Variants in XPO7 observed in about 807,000 individuals in gnomAD.
The protein encoded by XPO7 is exportin-7.
In XPO7, 21 loss-of-function variants were observed where a neutral mutation model predicts 144.3. The ratio of observed to expected loss-of-function variants is 0.15; its 90% CI spans 0.10 to 0.21. The LOEUF (loss-of-function observed/expected upper bound fraction) is 0.21. Among genes scored for constraint, XPO7 ranks in the 10% least tolerant of loss-of-function variants. XPO7 has a pLI of 1.00. For synonymous variants in XPO7, 580 were observed against 499.6 expected (o/e 1.16, Z -2.15); for missense variants, 808 against 1,325.8 (o/e 0.61, Z 6.06).
intron 1 of XPO7, among the ~76,000 whole-genome samples, chr8:21,945,187 G>A (rs1425952230): frequency 6.6e-6 from 1 of 152,074 alleles, no homozygotes; most frequent in African/African-American, 2.4e-5. Flanking sequence ...GGGCAGCTGG[G>A]CAGAGGCGCC....
Position 21,987,845 on chromosome 8 carries a change from T to C in XPO7, c.1775T>C (p.Phe592Ser). ...GATGAGACCATGGTCCTAAGCGTCT[T>C]CATAGGAAAAATGTAAGTGTTTCAG... ...LNDETMVLSV[F>S]IGKIITNLKY... is the part of the protein sequence containing the mutation. Residue 592 changes from phenylalanine to serine, a missense_variant, in exon 15 of 28, where the codon TTC (phenylalanine) becomes TCC (serine). Physicochemically the swap from Phe to Ser is radical, Grantham distance 155. Coordinates refer to ENST00000252512, the MANE Select transcript of XPO7 (RefSeq NM_015024.5). 1 of 1,613,778 alleles carries C rather than the reference T, an allele frequency of 6.2e-7. No homozygotes were observed. Among genetic ancestry groups the C allele is most frequent in the Admixed American group, 1.7e-5 (1 of 59,998 alleles).
intron 2 of XPO7, among the ~76,000 whole-genome samples, chr8:21,967,580 G>A (rs144227968): frequency 2.1e-3 from 326 of 152,040 alleles, no homozygotes; most frequent in African/African-American, 7.5e-3. Context: ...TGATCCACCC[G>A]CCTCGGCCTC....
Position 22,002,211 on chromosome 8 carries a change from T to A in XPO7, c.2882T>A (p.Leu961Gln). 1 of 1,613,352 alleles carries A rather than the reference T, an allele frequency of 6.2e-7. No homozygotes were observed. Among genetic ancestry groups the A allele is most frequent in the Non-Finnish European group, 8.5e-7 (1 of 1,179,628 alleles). ...SRSTKKRTTP[L>Q]NQESDRFLHI... is the part of the protein sequence containing the mutation. ...AGCACCAAGAAGAGGACCACACCCC[T>A]GAACCAGGAGAGCGACCGCTTTCTG... Residue 961 changes from leucine (L) to glutamine (Q), a missense_variant, in exon 25 of 28, where the codon CTG becomes CAG. Physicochemically the swap from Leu to Gln is moderately radical, Grantham distance 113. Transcript: ENST00000252512.
At chr8:21,934,252 C>A (rs1358112815) in intron 1 of XPO7, among the ~76,000 whole-genome samples, 1 of 151,886 alleles carries the variant, frequency 6.6e-6, no homozygotes, top group East Asian at 1.9e-4. Context: ...AATCCCAGTA[C>A]TTTGGGTGCG....
At chr8:21,981,294 C>T (rs1306840927) in intron 9 of XPO7, among the ~76,000 whole-genome samples, 7 of 152,106 alleles carry the variant, frequency 4.6e-5, no homozygotes, top group African/African-American at 4.8e-5. Flanking sequence ...TGCTAACTAT[C>T]GGTTAGTTGT....
chr8:22,004,059 C>A (rs764297705), intron 27 of XPO7, 29 bp downstream of exon 27: 1 of 1,611,018 alleles, frequency 6.2e-7, no homozygotes, highest in Non-Finnish European at 8.5e-7. Flanking sequence ...GCCTAGAAAT[C>A]TCAGACAATT....
chr8:21,970,369 AAC>A (rs140784168), intron 4 of XPO7, 59 bp downstream of exon 4: 29,872 of 1,092,914 alleles, frequency 0.027, 24 homozygotes, highest in South Asian at 0.043. Flanking sequence ...CATATATATA[AAC>A]ACACACACAC....
chr8:21,991,701 TTC>T (rs773108004), intron 18 of XPO7, 165 bp from the exon 19 acceptor site: 13 of 480,114 alleles, frequency 2.7e-5, no homozygotes, highest in Non-Finnish European at 4.4e-5. Context: ...AAAATTCTGT[TTC>T]TATATATACA....
In XPO7 at chr8:21,994,352, T is replaced by G; in HGVS notation, c.2149-11T>G. 1.2e-6 allele frequency: 2 copies of G among 1,609,608 alleles called. No homozygotes were observed. Among genetic ancestry groups the G allele is most frequent in the South Asian group, 2.2e-5 (2 of 90,658 alleles). On this transcript the variant is annotated splice_polypyrimidine_tract_variant and intron_variant, in intron 19 of 27. Transcript: ENST00000252512. The stretch of plus-strand genomic sequence containing the variant: ...TCTTCTATTTTAACACATTTTTGCC[T>G]TCTACTACAGCGAACTCTAGTTGGC...
At chr8:21,972,009 G>C (rs1253837780) in intron 5 of XPO7, 68 bp downstream of exon 5, 2 of 1,476,864 alleles carry the variant, frequency 1.4e-6, no homozygotes, top group Admixed American at 3.3e-5. Flanking sequence ...GTTTTCTGCT[G>C]TGTGTGGGAT....
intron 1 of XPO7, among the ~76,000 whole-genome samples, chr8:21,946,614 A>T (rs1233023944): frequency 2.0e-5 from 3 of 150,778 alleles, no homozygotes; most frequent in Non-Finnish European, 3.0e-5. Context: ...ATCTAAGTTA[A>T]AGAAGTTCCA....
intron 11 of XPO7, among the ~76,000 whole-genome samples, chr8:21,983,346 A>C (rs1397250115): frequency 6.6e-6 from 1 of 152,222 alleles, no homozygotes; most frequent in Non-Finnish European, 1.5e-5. Flanking sequence ...AGAAATGTCA[A>C]GCCCTTTCAA....
At chr8:21,925,871 T>G (rs1810442823) in intron 1 of XPO7, among the ~76,000 whole-genome samples, 1 of 152,218 alleles carries the variant, frequency 6.6e-6, no homozygotes, top group African/African-American at 2.4e-5. Context: ...TTATCTATCT[T>G]AAATATATCT....
intron 1 of XPO7, among the ~76,000 whole-genome samples, chr8:21,961,825 A>G (rs577901123): frequency 3.3e-5 from 5 of 151,216 alleles, no homozygotes; most frequent in South Asian, 2.1e-4. Context: ...ACCACATTCA[A>G]CTAAGTTTTG....
At chr8:22,004,333 C>G (rs1299965538) in intron 27 of XPO7, among the ~76,000 whole-genome samples, 38 of 152,118 alleles carry the variant, frequency 2.5e-4, no homozygotes, top group Admixed American at 2.5e-3. Context: ...CAGCATATCT[C>G]AGTTCATACG....
At chr8:21,967,786 T>C (rs1048598029) in intron 2 of XPO7, among the ~76,000 whole-genome samples, 2 of 152,210 alleles carry the variant, frequency 1.3e-5, no homozygotes, top group African/African-American at 4.8e-5. Flanking sequence ...GGATTTTAAA[T>C]GGAATTAGAA....
At chr8:21,980,348 A>G (rs1812363572) in intron 9 of XPO7, 145 bp downstream of exon 9, 8 of 1,078,368 alleles carry the variant, frequency 7.4e-6, no homozygotes, top group Admixed American at 3.3e-5. Flanking sequence ...TTGTAGGCCA[A>G]TTCTGAGATT....
In XPO7 at chr8:21,982,711, G is replaced by T. The variant is rs762793670; in HGVS notation, c.1176G>T (p.Pro392=). 1 of 1,613,638 alleles carries T rather than the reference G, an allele frequency of 6.2e-7. No homozygotes were observed. Among genetic ancestry groups the T allele is most frequent in the African/African-American group, 1.3e-5 (1 of 74,906 alleles). Residue 392 remains proline, a synonymous_variant, in exon 11 of 28, where the codon CCG becomes CCT. Transcript: ENST00000252512. ...GGCAGCGGCTGGCAGCCTCTGTGCC[G>T]TATGTCAAAGCCACAGAGCCCCACA... is the stretch of plus-strand genomic sequence containing the variant. ...SLWQRLAASV[P]YVKATEPHML... is the part of the protein sequence containing the mutation.
chr8:21,988,482 G>T (rs577561814), intron 15 of XPO7: 1 of 160,220 alleles, frequency 6.2e-6, no homozygotes, highest in African/African-American at 2.4e-5. Flanking sequence ...TATTACCCAG[G>T]GCTGTGTGCA....
Sources: allele counts gnomAD v4.1 joint callset (sites outside exome capture counted in the v4.1 genomes callset), GRCh38; gene constraint gnomAD v4.1.1; transcripts MANE v1.5; gene names NCBI Gene and HGNC (gene_info 2026-07-23, HGNC 2026-07-21).